OTOGL: variants seen among roughly 807,000 people sequenced by gnomAD.
OTOGL encodes the protein otogelin like.
Under a neutral mutation model 318.5 loss-of-function variants are expected in OTOGL, and 285 were observed. That is an observed-to-expected ratio of 0.89 (90% CI 0.81 to 0.99). OTOGL has a LOEUF of 0.99. OTOGL is among the 50% of genes least tolerant of loss of function. The probability of loss-of-function intolerance (pLI) is 0.00; values close to 1 mark genes in which losing one functional copy is unlikely to be tolerated. For synonymous variants in OTOGL, 987 were observed against 936.5 expected, an observed-to-expected ratio of 1.05 and a Z score of -0.99; for missense variants, 2,899 against 2,845.6, an observed-to-expected ratio of 1.02 and a Z score of -0.43.
rs1890192685 is a variant in OTOGL at position 80,360,722 on chromosome 12, T to C, written c.6267+1822T>C. Among the ~76,000 whole-genome samples the C allele has an allele frequency of 1.3e-5, 2 of 151,974 alleles. 1 individual carries two copies. The highest frequency in any genetic ancestry group is 1.3e-4 in the Admixed American group (2 of 15,246). ...GTTTCAATCTCCTTACCTCGTGATC[T>C]GCTCGCCTTGGACTCCCAAAATGCT... On this transcript the variant is annotated intron_variant, in intron 52 of 58. Transcript: ENST00000547103.
At chr12:80,101,505 C>G (rs1413451408) in intron 1 of OTOGL, among the ~76,000 whole-genome samples, 3 of 152,112 alleles carry the variant, frequency 2.0e-5, no homozygotes, top group African/African-American at 7.2e-5. Context: ...TGTTCTATCA[C>G]AACTGCATTA....
At chr12:80,240,186 A>G (rs1340631518) in intron 11 of OTOGL, among the ~76,000 whole-genome samples, 1 of 152,160 alleles carries the variant, frequency 6.6e-6, no homozygotes, top group Non-Finnish European at 1.5e-5. Flanking sequence ...TACAATAAAC[A>G]CAGGAGTGCA....
intron 44 of OTOGL, among the ~76,000 whole-genome samples, chr12:80,346,906 C>A (rs1274928380): frequency 1.3e-5 from 2 of 152,126 alleles, no homozygotes; most frequent in African/African-American, 2.4e-5. Flanking sequence ...GGTAACATAT[C>A]GAGATAAAGA....
At chr12:80,236,925 G>A (rs765536501) in intron 9 of OTOGL, among the ~76,000 whole-genome samples, 5 of 149,372 alleles carry the variant, frequency 3.3e-5, no homozygotes, top group African/African-American at 9.9e-5. Flanking sequence ...AACAAGTCTC[G>A]TGCCTCAGCC....
chr12:80,364,076 A>G lies in OTOGL; in HGVS notation c.6268-2498A>G, dbSNP rs143202752. On this transcript the variant is annotated intron_variant, in intron 52 of 58. Transcript: ENST00000547103. ...TATTAATTATGAATCATATTTTGAT[A>G]TTCAGTATTCCAAGAATTTTAAAAT... 2.0e-3 allele frequency among the ~76,000 whole-genome samples: 306 copies of G among 152,316 alleles called. 2 individuals carry two copies. The highest frequency in any genetic ancestry group is 2.5e-3 in the Non-Finnish European group (170 of 68,032).
At position 80,256,384 on chromosome 12, in the gene OTOGL, T is replaced by A. The variant is rs758882130; in HGVS notation, c.1635T>A (p.Asp545Glu). ...CLQSITLILE[D>E]DFNKQVTLGR... is the part of the protein sequence containing the mutation. The stretch of plus-strand genomic sequence containing the variant: ...AGTCTATAACTCTGATTCTGGAGGA[T>A]GATTTTAACAAACAAGTGACCCTTG... The change falls in exon 17 of 59, where the codon GAT becomes GAA. Residue 545 changes from aspartate to glutamate, a missense_variant. This residue lies in a region of OTOGL where 2,607 missense variants were observed against 2,524.9 expected (regional missense o/e 1.03). Coordinates refer to ENST00000547103, the MANE Select transcript of OTOGL (RefSeq NM_001378609.3). The A allele has an allele frequency of 8.8e-6, 14 of 1,595,826 alleles. No individual in the cohort carries two copies. The highest frequency in any genetic ancestry group is 1.7e-4 in the Middle Eastern group (1 of 6,048).
At chr12:80,225,725 A>T (rs1292940620) in intron 7 of OTOGL, among the ~76,000 whole-genome samples, 1 of 152,066 alleles carries the variant, frequency 6.6e-6, no homozygotes, top group African/African-American at 2.4e-5. Context: ...TGATACATCC[A>T]AATACAGTTA....
chr12:80,215,145 A>T (rs1472926997), intron 4 of OTOGL, among the ~76,000 whole-genome samples: 1 of 151,538 alleles, frequency 6.6e-6, no homozygotes, highest in Non-Finnish European at 1.5e-5. Flanking sequence ...AACAATAAAA[A>T]CAGGTAGCAT....
At chr12:80,228,908 G>T (rs1565913319) in intron 7 of OTOGL, among the ~76,000 whole-genome samples, 1 of 151,986 alleles carries the variant, frequency 6.6e-6, no homozygotes, top group Non-Finnish European at 1.5e-5. Flanking sequence ...TCTCTAATAG[G>T]TAAAAAATAC....
At chr12:80,148,178 G>T (rs529719957) in intron 1 of OTOGL, among the ~76,000 whole-genome samples, 11 of 151,162 alleles carry the variant, frequency 7.3e-5, no homozygotes, top group Admixed American at 1.3e-4. Context: ...GCATGATTTT[G>T]CAGCGGCTGG....
chr12:80,272,531 A>G (rs1331615462), intron 24 of OTOGL, among the ~76,000 whole-genome samples: 1 of 152,080 alleles, frequency 6.6e-6, no homozygotes, highest in Non-Finnish European at 1.5e-5. Flanking sequence ...ACAGGCACAC[A>G]TATAATCTGG....
chr12:80,152,592 C>CA (rs1592500005), intron 1 of OTOGL, among the ~76,000 whole-genome samples: 1 of 152,178 alleles, frequency 6.6e-6, no homozygotes, highest in East Asian at 1.9e-4. Flanking sequence ...TTATAGTCAC[C>CA]AATGACCTTT....
chr12:80,335,529 A>T (rs973440274), intron 38 of OTOGL, among the ~76,000 whole-genome samples: 1 of 152,130 alleles, frequency 6.6e-6, no homozygotes, highest in Non-Finnish European at 1.5e-5. Context: ...TGTGAAACTG[A>T]TGTTATATAT....
At chr12:80,161,047 T>G (rs934276870) in intron 1 of OTOGL, among the ~76,000 whole-genome samples, 2 of 151,896 alleles carry the variant, frequency 1.3e-5, no homozygotes, top group African/African-American at 4.8e-5. Flanking sequence ...TTCAAAGGCA[T>G]AAGAATGACA....
chr12:80,191,591 A>C (rs1299168649), intron 1 of OTOGL, among the ~76,000 whole-genome samples: 1 of 152,222 alleles, frequency 6.6e-6, no homozygotes, highest in Non-Finnish European at 1.5e-5. Flanking sequence ...ACATTTTATA[A>C]AGTTTTATTC....
At chr12:80,343,066 G>T (rs1298304989) in intron 44 of OTOGL, among the ~76,000 whole-genome samples, 1 of 152,014 alleles carries the variant, frequency 6.6e-6, no homozygotes, top group Admixed American at 6.6e-5. Flanking sequence ...AGTACAGGCG[G>T]GATTTCACCG....
Position 80,305,617 on chromosome 12 carries a change from T to C in OTOGL, c.3255T>C (p.Thr1085=), listed in dbSNP as rs138823379. The C allele has an allele frequency of 9.6e-4, 1,507 of 1,576,914 alleles. 6 individuals carry two copies. Among genetic ancestry groups the C allele is most frequent in the Middle Eastern group, 9.2e-3 (55 of 5,968 alleles). ...TGTGTGGAAACTTTGACAAATGCAC[T>C]TCAAATGATATGACCACATCTAATA... The part of the protein sequence containing the change: ...SGLCGNFDKC[T]SNDMTTSNNL... Residue 1085 remains threonine, a synonymous_variant, in exon 29 of 59, where the codon ACT becomes ACC. Coordinates refer to ENST00000547103, the MANE Select transcript of OTOGL (RefSeq NM_001378609.3).
intron 26 of OTOGL, among the ~76,000 whole-genome samples, chr12:80,291,754 G>C (rs981914944): frequency 1.3e-5 from 2 of 152,150 alleles, no homozygotes; most frequent in Admixed American, 6.5e-5. Flanking sequence ...GTCTCCAACT[G>C]TTTCCTGTTA....
intron 1 of OTOGL, among the ~76,000 whole-genome samples, chr12:80,149,060 A>T (rs949249979): frequency 4.6e-5 from 7 of 152,252 alleles, no homozygotes; most frequent in Admixed American, 1.3e-4. Flanking sequence ...AGCTCGTCAA[A>T]GTCGTTCTCC....
Sources: allele counts gnomAD v4.1 joint callset (sites outside exome capture counted in the v4.1 genomes callset), GRCh38; gene constraint gnomAD v4.1.1; regional missense constraint gnomAD v4.1.1; transcripts MANE v1.5; gene names NCBI Gene and HGNC (gene_info 2026-07-23, HGNC 2026-07-21).